The following CXADR variants were observed in gnomAD, a reference collection of about 807,000 sequenced individuals.
CXADR encodes the protein coxsackievirus and adenovirus receptor.
Under a neutral mutation model 40.3 loss-of-function variants are expected in CXADR, and 20 were observed. The observed-to-expected ratio is 0.50, with a 90% CI of 0.35 to 0.72. CXADR has a LOEUF of 0.72. Ranked by LOEUF, CXADR falls within the 30% of genes least tolerant of loss-of-function variation. The probability of loss-of-function intolerance (pLI) is 0.01; values close to 1 mark genes in which losing one functional copy is unlikely to be tolerated. For synonymous variants in CXADR, 150 were observed against 161.3 expected (o/e 0.93, Z 0.53); for missense variants, 332 against 449.1 (o/e 0.74, Z 2.36).
At chr21:17,594,070 C>A, downstream of CXADR, 1 of 1,608,822 alleles carries the variant, frequency 6.2e-7, no homozygotes, top group South Asian at 1.1e-5. Flanking sequence ...CTCAACATGA[C>A]ACCAACACAA....
In CXADR at chr21:17,534,013, T is replaced by TACAC. The variant is rs1206908700; in HGVS notation, c.44-13013_44-13012insCACA. 1.7e-3 allele frequency among the ~76,000 whole-genome samples: 215 copies of TACAC among 128,382 alleles called. 4 individuals are homozygous for TACAC. The highest frequency in any genetic ancestry group is 2.9e-3 in the Non-Finnish European group (180 of 62,052). The allele number at this position is 128,382 out of a possible 152,430, so 84.2% of individuals were successfully genotyped here. On this transcript the variant is annotated intron_variant, in intron 1 of 6. Transcript: ENST00000284878. ...TTTTCTTCTCTTTCTCAGCAATATA[T>TACAC]ATATATATATATATAGCTATATATA...
At chr21:17,517,994 A>G (rs1031708897) in intron 1 of CXADR, among the ~76,000 whole-genome samples, 2 of 152,244 alleles carry the variant, frequency 1.3e-5, no homozygotes, top group African/African-American at 4.8e-5. Flanking sequence ...TTAAACCCAG[A>G]GAAGTGTATG....
chr21:17,520,555 G>C (rs919008596), intron 1 of CXADR, among the ~76,000 whole-genome samples: 3 of 152,192 alleles, frequency 2.0e-5, no homozygotes, highest in African/African-American at 7.2e-5. Context: ...ACGGTACTAA[G>C]ACATTTGTGG....
intron 7 of CXADR, among the ~76,000 whole-genome samples, chr21:17,584,487 T>A (rs2061381194): frequency 6.6e-6 from 1 of 152,208 alleles, no homozygotes; most frequent in Non-Finnish European, 1.5e-5. Context: ...TCCTAATGTA[T>A]TTGGACATCT....
chr21:17,527,093 T>C (rs963155993), intron 1 of CXADR: 5 of 152,296 alleles, frequency 3.3e-5, no homozygotes, highest in African/African-American at 1.2e-4. Flanking sequence ...GTAGAGAATA[T>C]GAGGAAGGTA....
At chr21:17,513,412 G>T (rs979720956) in intron 1 of CXADR, among the ~76,000 whole-genome samples, 1 of 152,014 alleles carries the variant, frequency 6.6e-6, no homozygotes, top group African/African-American at 2.4e-5. Context: ...AGCCCTCGGC[G>T]GGGGGTGGAG....
intron 1 of CXADR, among the ~76,000 whole-genome samples, chr21:17,526,376 G>C (rs2060598584): frequency 6.6e-6 from 1 of 151,868 alleles, no homozygotes; most frequent in Non-Finnish European, 1.5e-5. Context: ...TTAATCTCTT[G>C]TAGTCATCAA....
intron 1 of CXADR, among the ~76,000 whole-genome samples, chr21:17,516,740 A>C (rs750249698): frequency 9.9e-5 from 15 of 152,190 alleles, no homozygotes; most frequent in Non-Finnish European, 2.2e-4. Flanking sequence ...ACAAAATTAA[A>C]TCCATTATCC....
At chr21:17,532,070 G>A (rs1301332015) in intron 1 of CXADR, among the ~76,000 whole-genome samples, 1 of 151,836 alleles carries the variant, frequency 6.6e-6, no homozygotes, top group Non-Finnish European at 1.5e-5. Flanking sequence ...AGCTGGGACT[G>A]CAGGCATGCA....
At chr21:17,534,100 A>ATATT (rs1179683085) in intron 1 of CXADR, among the ~76,000 whole-genome samples, 43 of 60,070 alleles carry the variant, frequency 7.2e-4, no homozygotes, top group African/African-American at 3.7e-3. Context: ...ATATATATAT[A>ATATT]TTTTTTTTTT....
chr21:17,603,539 C>A, the CXADR span, among the ~76,000 whole-genome samples: 2 of 152,168 alleles, frequency 1.3e-5, no homozygotes, highest in Non-Finnish European at 2.9e-5. Flanking sequence ...TTGCTGGAAT[C>A]AGGTCAGTCT....
chr21:17,555,197 A>G (rs930989760), intron 3 of CXADR, among the ~76,000 whole-genome samples: 1 of 152,204 alleles, frequency 6.6e-6, no homozygotes, highest in African/African-American at 2.4e-5. Flanking sequence ...ATAAAGAGAC[A>G]GAGTTGTTTT....
downstream of CXADR, among the ~76,000 whole-genome samples, chr21:17,573,877 A>G (rs1974702158): frequency 6.6e-6 from 1 of 152,240 alleles, no homozygotes. Flanking sequence ...TCTGCACTCC[A>G]GCCTGGGCAA....
intron 1 of CXADR, chr21:17,530,264 C>T: frequency 3.3e-6 from 1 of 301,780 alleles, no homozygotes; most frequent in South Asian, 2.8e-5. Flanking sequence ...TGGGCCCGGC[C>T]TCCTTCACCC....
chr21:17,514,210 TTTG>T (rs1241200183), intron 1 of CXADR, among the ~76,000 whole-genome samples: 2 of 152,076 alleles, frequency 1.3e-5, no homozygotes, highest in Non-Finnish European at 1.5e-5. Flanking sequence ...AGGGTAATTT[TTTG>T]TTGTTAGGTG....
At chr21:17,571,818 G>C (rs574736569), downstream of CXADR, among the ~76,000 whole-genome samples, 1 of 152,248 alleles carries the variant, frequency 6.6e-6, no homozygotes, top group Admixed American at 6.5e-5. Context: ...GCCCTCCTCA[G>C]TGTCAACACA....
At chr21:17,540,763 C>T (rs1041580288) in intron 1 of CXADR, among the ~76,000 whole-genome samples, 5 of 152,314 alleles carry the variant, frequency 3.3e-5, no homozygotes, top group African/African-American at 4.8e-5. Flanking sequence ...ACATTTCACA[C>T]GTCTTCTACT....
intron 6 of CXADR, 23 bp from the exon 7 acceptor site, chr21:17,565,405 G>A: frequency 6.2e-7 from 1 of 1,611,428 alleles, no homozygotes; most frequent in Non-Finnish European, 8.5e-7. Flanking sequence ...CTCTTGACAT[G>A]TATTGGGGAT....
At chr21:17,605,912 C>G in the CXADR span, among the ~76,000 whole-genome samples, 2 of 152,006 alleles carry the variant, frequency 1.3e-5, no homozygotes, top group Admixed American at 1.3e-4. Context: ...AGACCTGTAA[C>G]TATAAAACAT....
Sources: gnomAD v4.1 joint callset for allele counts (sites outside exome capture counted in the v4.1 genomes callset) on GRCh38, gnomAD v4.1.1 for gene constraint, MANE v1.5 for transcripts, NCBI Gene and HGNC (gene_info 2026-07-23, HGNC 2026-07-21) for gene names.